Variants in FAT3 observed in about 807,000 individuals in gnomAD.
The protein encoded by FAT3 is protocadherin Fat 3.
FAT3 carries 95 observed loss-of-function variants against 310.2 expected under a neutral mutation model. That is an observed-to-expected ratio of 0.31 (90% CI 0.26 to 0.36). The LOEUF is 0.36. Among genes scored for constraint, FAT3 ranks in the 10% least tolerant of loss-of-function variants. FAT3 has a pLI of 1.00. For synonymous variants in FAT3, 2,314 were observed against 2,192.9 expected (o/e 1.06, Z -1.54); for missense variants, 5,408 against 5,715.6 (o/e 0.95, Z 1.74).
chr11:92,234,858 T>A (rs1242179060), intron 1 of FAT3, among the ~76,000 whole-genome samples: 1 of 147,208 alleles, frequency 6.8e-6, no homozygotes, highest in Non-Finnish European at 1.5e-5. Context: ...GCCGAGATTG[T>A]GCCATTGAAC....
At chr11:92,506,728 A>G (rs1953111848) in intron 2 of FAT3, among the ~76,000 whole-genome samples, 1 of 152,176 alleles carries the variant, frequency 6.6e-6, no homozygotes, top group African/African-American at 2.4e-5. Flanking sequence ...AAAAATTATC[A>G]TGATTTTTCT....
At chr11:92,643,832 A>T (rs1942049198) in intron 3 of FAT3, among the ~76,000 whole-genome samples, 1 of 152,222 alleles carries the variant, frequency 6.6e-6, no homozygotes, top group African/African-American at 2.4e-5. Context: ...GACTTTTATG[A>T]TTGGAACCTG....
chr11:92,263,660 G>A (rs1824084288), intron 1 of FAT3, among the ~76,000 whole-genome samples: 1 of 151,478 alleles, frequency 6.6e-6, no homozygotes, highest in African/African-American at 2.4e-5. Context: ...TATATAGAGA[G>A]AGATGCATAT....
chr11:92,289,196 T>C (rs1946630723), intron 1 of FAT3, among the ~76,000 whole-genome samples: 1 of 152,150 alleles, frequency 6.6e-6, no homozygotes, highest in African/African-American at 2.4e-5. Flanking sequence ...GCTGGCAGTT[T>C]AGAAATTTAG....
chr11:92,426,189 G>A (rs770367304), intron 2 of FAT3, among the ~76,000 whole-genome samples: 4 of 152,164 alleles, frequency 2.6e-5, no homozygotes, highest in African/African-American at 4.8e-5. Flanking sequence ...TGTCTTTTGA[G>A]AAGTGTCTGT....
At chr11:92,452,604 G>T (rs1043366974) in intron 2 of FAT3, among the ~76,000 whole-genome samples, 2 of 152,092 alleles carry the variant, frequency 1.3e-5, no homozygotes, top group Non-Finnish European at 2.9e-5. Flanking sequence ...ACCCTATAGG[G>T]ATGGTGCTAT....
At chr11:92,378,755 T>C (rs1408123706) in intron 2 of FAT3, among the ~76,000 whole-genome samples, 5 of 152,242 alleles carry the variant, frequency 3.3e-5, no homozygotes, top group Non-Finnish European at 4.4e-5. Flanking sequence ...TTTCTCACAT[T>C]ACTAGAGGCT....
intron 3 of FAT3, among the ~76,000 whole-genome samples, chr11:92,575,224 C>T (rs78153460): frequency 0.015 from 2,255 of 152,136 alleles, 64 homozygotes; most frequent in African/African-American, 0.052. Context: ...TGTAGGTAGA[C>T]GCCAACCCAT....
At chr11:92,361,398 A>G (rs1034176027) in intron 2 of FAT3, among the ~76,000 whole-genome samples, 2 of 151,988 alleles carry the variant, frequency 1.3e-5, no homozygotes, top group African/African-American at 4.8e-5. Flanking sequence ...TTAGAACCTA[A>G]TAACAAATGT....
intron 1 of FAT3, among the ~76,000 whole-genome samples, chr11:92,273,240 G>A (rs971851945): frequency 3.3e-5 from 5 of 152,012 alleles, no homozygotes; most frequent in Non-Finnish European, 7.4e-5. Flanking sequence ...TGTTTCTGGG[G>A]AACTTGTATC....
chr11:92,376,786 T>C (rs1291840806), intron 2 of FAT3, among the ~76,000 whole-genome samples: 1 of 152,200 alleles, frequency 6.6e-6, no homozygotes, highest in Non-Finnish European at 1.5e-5. Context: ...TCTGAGTTGC[T>C]CAGATTTGGC....
Position 92,806,482 on chromosome 11 carries a change from G to A in FAT3, c.9214G>A (p.Gly3072Arg). The change falls in exon 12 of 28, where the codon GGA becomes AGA. Residue 3072 changes from glycine (G) to arginine (R), a missense_variant. Transcript: ENST00000525166. ...TATACGATACTCACTCTATGGATCT[G>A]GAAACAGTGAATTTTTTCTAGATCC... ...GYIRYSLYGS[G>R]NSEFFLDPES... 1.3e-6 allele frequency: 2 copies of A among 1,556,004 alleles called. No individual in the cohort carries two copies. Among genetic ancestry groups the A allele is most frequent in the South Asian group, 1.2e-5 (1 of 84,222 alleles).
intron 3 of FAT3, among the ~76,000 whole-genome samples, chr11:92,592,764 G>A (rs1420893260): frequency 1.3e-5 from 2 of 151,900 alleles, no homozygotes; most frequent in East Asian, 1.9e-4. Flanking sequence ...TATTTCTTTA[G>A]GTATTTAAAG....
chr11:92,320,850 A>G (rs1308646760), intron 1 of FAT3, among the ~76,000 whole-genome samples: 1 of 146,626 alleles, frequency 6.8e-6, no homozygotes, highest in Non-Finnish European at 1.5e-5. Flanking sequence ...AGCCTGGGCA[A>G]TGGAGCGAAA....
chr11:92,893,493 A>G lies in FAT3; in HGVS notation c.*2380A>G, dbSNP rs577033726. 1 of 152,328 alleles carries G rather than the reference A, an allele frequency of 6.6e-6. No homozygotes were observed. Among genetic ancestry groups the G allele is most frequent in the Non-Finnish European group, 1.5e-5 (1 of 68,018 alleles). The allele number at this position is 152,328 out of a possible 1,614,324, so 9.4% of individuals were successfully genotyped here. On this transcript the variant is annotated 3_prime_UTR_variant, in exon 28 of 28. Coordinates refer to ENST00000525166, the MANE Select transcript of FAT3 (RefSeq NM_001367949.2). ...ACATGTCATTTCCTGCCCCCAGGAA[A>G]TATTAGAATGAGATTAATGCTGATG...
At chr11:92,436,203 G>A (rs1419750563) in intron 2 of FAT3, among the ~76,000 whole-genome samples, 1 of 152,136 alleles carries the variant, frequency 6.6e-6, no homozygotes, top group Non-Finnish European at 1.5e-5. Context: ...CTGGAGTGCA[G>A]ATCACGGCTC....
intron 1 of FAT3, among the ~76,000 whole-genome samples, chr11:92,259,476 A>T (rs1865447822): frequency 6.6e-6 from 1 of 152,142 alleles, no homozygotes; most frequent in Admixed American, 6.6e-5. Context: ...AGTAGTAAAT[A>T]GGAAATGGAT....
At chr11:92,283,829 G>T (rs190031434) in intron 1 of FAT3, among the ~76,000 whole-genome samples, 1 of 151,952 alleles carries the variant, frequency 6.6e-6, no homozygotes, top group Non-Finnish European at 1.5e-5. Flanking sequence ...TTGAGATGCC[G>T]CACCAGACAT....
At chr11:92,566,759 A>G (rs1955466643) in intron 3 of FAT3, among the ~76,000 whole-genome samples, 1 of 152,142 alleles carries the variant, frequency 6.6e-6, no homozygotes, top group Admixed American at 6.6e-5. Context: ...CTGATCTTTG[A>G]CAAACCTGAG....
Sources: gnomAD v4.1 joint callset for allele counts (sites outside exome capture counted in the v4.1 genomes callset) on GRCh38, gnomAD v4.1.1 for gene constraint, MANE v1.5 for transcripts, NCBI Gene and HGNC (gene_info 2026-07-23, HGNC 2026-07-21) for gene names.